The following SYNE1 variants were observed in gnomAD, a reference collection of about 807,000 sequenced individuals.
SYNE1 encodes nesprin-1.
Under a neutral mutation model 1,111.0 loss-of-function variants are expected in SYNE1, and 616 were observed. The ratio of observed to expected loss-of-function variants is 0.55; its 90% CI spans 0.52 to 0.59. SYNE1 has a LOEUF of 0.59. SYNE1 is among the 20% of genes least tolerant of loss of function. The pLI, the probability that SYNE1 is intolerant of heterozygous loss-of-function variation, is 0.00. For missense variants in SYNE1, 10,006 were observed against 10,417.0 expected (o/e 0.96, Z 1.72); for synonymous variants, 3,855 against 3,825.8 (o/e 1.01, Z -0.28).
In SYNE1 at chr6:152,495,051, CATAACCTCTTCCATGT is replaced by C. The variant is rs1231803582; in HGVS notation, c.939+3675_939+3690del. Among the ~76,000 whole-genome samples the C allele has an allele frequency of 2.6e-5, 4 of 152,326 alleles. No individual in the cohort carries two copies. In the East Asian group the frequency reaches 7.7e-4, roughly 29 times the overall value. ...CAGCTCATTCCATTCTATCGTTTTT[CATAACCTCTTCCATGT>C]AGGTTACAAGCCACTAGCCCTCCTC... is the stretch of plus-strand genomic sequence containing the variant. On this transcript the variant is annotated intron_variant, in intron 11 of 145. Transcript: ENST00000367255.
chr6:152,441,671 CAG>C (rs1234078623), intron 31 of SYNE1, among the ~76,000 whole-genome samples: 1 of 152,150 alleles, frequency 6.6e-6, no homozygotes, highest in Non-Finnish European at 1.5e-5. Context: ...GGCAAAAACT[CAG>C]AAACATTTTT....
chr6:152,313,406 G>A (rs988969578), intron 87 of SYNE1, among the ~76,000 whole-genome samples: 2 of 151,496 alleles, frequency 1.3e-5, no homozygotes, highest in African/African-American at 2.4e-5. Flanking sequence ...AGGCCCCTAC[G>A]AAGTCACTCT....
In SYNE1 at chr6:152,330,432, C is replaced by G. The variant is rs766721753; in HGVS notation, c.14253G>C (p.Lys4751Asn). ...RSTGQPWQPDKMLHLVTLYHR... is the reference protein window; with the variant it reads ...RSTGQPWQPDNMLHLVTLYHR... ...GATATAAGGTGACAAGGTGCAGCAT[C>G]TTGTCTGGCTGCCAAGGCTGACCTG... Residue 4751 changes from lysine to asparagine, a missense_variant, in exon 78 of 146, where the codon AAG (lysine) becomes AAC (asparagine). Physicochemically the swap from Lys to Asn is moderately conservative, Grantham distance 94. Transcript: ENST00000367255. 1.2e-6 allele frequency: 2 copies of G among 1,614,170 alleles called. No individual in the cohort carries two copies. Among genetic ancestry groups the G allele is most frequent in the Non-Finnish European group, 1.7e-6 (2 of 1,180,030 alleles).
At chr6:152,316,698 A>G in intron 87 of SYNE1, 151 bp downstream of exon 87, 1 of 772,580 alleles carries the variant, frequency 1.3e-6, no homozygotes, top group Non-Finnish European at 2.1e-6. Context: ...TTTCTGTCCA[A>G]CTACTGAACA....
At position 152,141,754 on chromosome 6, in the gene SYNE1, C is replaced by CA. The variant is rs1467924895; in HGVS notation, c.25120-426dup. On this transcript the variant is annotated intron_variant, in intron 138 of 145. Coordinates refer to ENST00000367255, the MANE Select transcript of SYNE1 (RefSeq NM_182961.4). ...TATGCGACAGAGTGAGACCCAGTCTCAAAAAAAAGAAAAAAGAAAAAATAA... is the reference window on the plus strand; with the variant it reads ...TATGCGACAGAGTGAGACCCAGTCTCAAAAAAAAAGAAAAAAGAAAAAATAA... 4.6e-5 allele frequency among the ~76,000 whole-genome samples: 7 copies of CA among 150,570 alleles called. No individual in the cohort carries two copies. The East Asian group carries it at 5.8e-4, about 13-fold the overall frequency.
rs925892033 is a variant in SYNE1, at chr6:152,451,143, C to T, written c.3090G>A (p.Arg1030=). 1 of 1,614,080 alleles carries T rather than the reference C, an allele frequency of 6.2e-7. No individual in the cohort carries two copies. Among genetic ancestry groups the T allele is most frequent in the Non-Finnish European group, 8.5e-7 (1 of 1,180,002 alleles). The change falls in exon 26 of 146, where the codon AGG becomes AGA. Residue 1030 remains arginine, a synonymous_variant. Coordinates refer to ENST00000367255, the MANE Select transcript of SYNE1 (RefSeq NM_182961.4). ...TGCATTCTTCTACAGAGGCTAAGAA[C>T]CTATTCTTCTCCACATCAATCTTCA... is the stretch of plus-strand genomic sequence containing the variant. ...LHLKIDVEKN[R]FLASVEECRT...
rs1210738935 is a variant in SYNE1, at chr6:152,242,325, T to G, written c.19808A>C (p.Glu6603Ala). 6.2e-7 allele frequency: 1 copy of G among 1,613,966 alleles called. No homozygotes were observed. Among genetic ancestry groups the G allele is most frequent in the African/African-American group, 1.3e-5 (1 of 74,900 alleles). ...TCCTGCCATCTTCTCCTGACCAGTT[T>G]CTAGCAGGTCAGCCAGATCTTGTAG... Reference protein sequence around the residue: ...RALQDLADLLETGQEKMAGDQ... With the variant: ...RALQDLADLLATGQEKMAGDQ... The change falls in exon 107 of 146, where the codon GAA (glutamate) becomes GCA (alanine). Residue 6603 changes from glutamate (E) to alanine (A), a missense_variant. This residue lies in a region of SYNE1 where 2,182 missense variants were observed against 2,287.8 expected (regional missense o/e 0.95). Coordinates refer to ENST00000367255, the MANE Select transcript of SYNE1 (RefSeq NM_182961.4).
rs758728153 is a variant in SYNE1, at chr6:152,148,092, CCTT to C, written c.24926_24928del (p.Glu8309del). The C allele has an allele frequency of 1.9e-6, 3 of 1,614,082 alleles. No individual in the cohort carries two copies. The highest frequency in any genetic ancestry group is 2.7e-5 in the African/African-American group (2 of 74,926). ...GAGGTAGAAATCTTTGTCATCCTGA[CCTT>C]CTTCATCCTCAGAGGGCAGAGCTCT... On this transcript the variant is annotated inframe_deletion, in exon 137 of 146. Transcript: ENST00000367255. The surrounding 1 kb of genome is among the most constrained non-coding windows in gnomAD (Gnocchi z 4.1).
rs748909185 is a variant in SYNE1 at position 152,391,484 on chromosome 6, G to A, written c.7797C>T (p.Ser2599=). The A allele has an allele frequency of 1.2e-6, 2 of 1,612,842 alleles. No homozygotes were observed. The highest frequency in any genetic ancestry group is 1.3e-5 in the African/African-American group (1 of 74,534). The change falls in exon 52 of 146, where the codon TCC becomes TCT. Residue 2599 remains serine (S), a synonymous_variant. Coordinates refer to ENST00000367255, the MANE Select transcript of SYNE1 (RefSeq NM_182961.4). The part of the protein sequence containing the change: ...HGAGQEGRLC[S]QLLTSHQNLL... Reference sequence around the variant, plus strand: ...GGTTCTGGTGGCTTGTGAGGAGCTGGGAACACAGGCGGCCCTCCTGCCCAG... The same window carrying A: ...GGTTCTGGTGGCTTGTGAGGAGCTGAGAACACAGGCGGCCCTCCTGCCCAG...
chr6:152,325,339 A>G, intron 80 of SYNE1, 37 bp from the exon 81 acceptor site: 1 of 1,595,380 alleles, frequency 6.3e-7, no homozygotes, highest in Non-Finnish European at 8.6e-7. Flanking sequence ...AGAGGAGACA[A>G]GGGAGAGATC....
chr6:152,529,989 GC>G (rs2099188167), intron 4 of SYNE1, among the ~76,000 whole-genome samples: 1 of 152,120 alleles, frequency 6.6e-6, no homozygotes, highest in South Asian at 2.1e-4. Flanking sequence ...GTACAGTATT[GC>G]CAAGGCCCCA....
chr6:152,269,390 T>G, intron 98 of SYNE1, 104 bp from the exon 99 acceptor site: 1 of 1,569,240 alleles, frequency 6.4e-7, no homozygotes, highest in South Asian at 1.1e-5. Context: ...GATACCAAAG[T>G]GGCTCCACTG....
intron 14 of SYNE1, among the ~76,000 whole-genome samples, chr6:152,482,158 T>C (rs1338788843): frequency 2.0e-5 from 3 of 152,118 alleles, no homozygotes; most frequent in Admixed American, 1.3e-4. Flanking sequence ...GTCTGTCAAG[T>C]TGAAATGGCC....
At chr6:152,302,987 T>C (rs996005941) in intron 91 of SYNE1, among the ~76,000 whole-genome samples, 4 of 152,100 alleles carry the variant, frequency 2.6e-5, no homozygotes, top group Non-Finnish European at 5.9e-5. Context: ...AGTTTTACTT[T>C]CTTGCTTAAA....
chr6:152,126,136 G>A (rs1249182768), intron 145 of SYNE1: 1 of 152,200 alleles, frequency 6.6e-6, no homozygotes, highest in Non-Finnish European at 1.5e-5. Context: ...AAGCTAGGAA[G>A]AAGTCATGGG....
intron 45 of SYNE1, among the ~76,000 whole-genome samples, chr6:152,405,461 C>A (rs1185584822): frequency 6.6e-6 from 1 of 152,014 alleles, no homozygotes; most frequent in African/African-American, 2.4e-5. Context: ...AACCATGATA[C>A]AATAGATGTC....
At chr6:152,491,819 T>G (rs1416519003) in intron 11 of SYNE1, among the ~76,000 whole-genome samples, 3 of 152,016 alleles carry the variant, frequency 2.0e-5, no homozygotes, top group Non-Finnish European at 4.4e-5. Flanking sequence ...TCCTTTTCTA[T>G]GGACCCATCT....
chr6:152,463,585 C>T, intron 18 of SYNE1, 68 bp from the exon 19 acceptor site: 1 of 1,281,408 alleles, frequency 7.8e-7, no homozygotes, highest in Admixed American at 1.9e-5. Context: ...ATGAAAGTGA[C>T]TAAAGTAGGA....
chr6:152,145,586 C>G, intron 137 of SYNE1: 1 of 1,598,752 alleles, frequency 6.3e-7, no homozygotes, highest in Non-Finnish European at 8.6e-7. Context: ...AAGTTGACAG[C>G]TAAGTTCTGG....
Sources: gnomAD v4.1 joint callset for allele counts (sites outside exome capture counted in the v4.1 genomes callset) on GRCh38, gnomAD v4.1.1 for gene constraint, gnomAD v4.1.1 regional missense constraint, Gnocchi (gnomAD v3.1) non-coding constraint, MANE v1.5 for transcripts, NCBI Gene and HGNC (gene_info 2026-07-23, HGNC 2026-07-21) for gene names.